The following NLGN4Y variants were observed in gnomAD, a reference collection of about 807,000 sequenced individuals.
NLGN4Y encodes the protein neuroligin-4, Y-linked.
A neutral mutation model predicts 8.4 loss-of-function variants in NLGN4Y; 4 were observed. The ratio of observed to expected loss-of-function variants is 0.48; its 90% CI spans 0.23 to 1.09. The LOEUF (loss-of-function observed/expected upper bound fraction) is 1.09. NLGN4Y is among the 50% of genes least tolerant of loss of function. The pLI, the probability that NLGN4Y is intolerant of heterozygous loss-of-function variation, is 0.19. For synonymous variants in NLGN4Y, 35 were observed against 75.6 expected (o/e 0.46, Z 2.78); for missense variants, 90 against 192.3 (o/e 0.47, Z 3.15).
At chrY:14,632,629 G>A (rs767663220) in intron 2 of NLGN4Y, among the ~76,000 whole-genome samples, 522 of 33,551 alleles carry the variant, frequency 0.016, no homozygotes, top group Non-Finnish European at 0.027. Flanking sequence ...AATCAACATC[G>A]ACATGCAACT....
At chrY:14,591,113 C>G in intron 1 of NLGN4Y, among the ~76,000 whole-genome samples, 1 of 32,374 alleles carries the variant, frequency 3.1e-5, no homozygotes, top group Non-Finnish European at 7.5e-5. Flanking sequence ...CTGATAAGGT[C>G]TGATTTCCTG....
chrY:14,594,768 T>A, intron 1 of NLGN4Y, among the ~76,000 whole-genome samples: 1 of 32,882 alleles, frequency 3.0e-5, no homozygotes, highest in South Asian at 7.0e-4. Context: ...TTTCCCTGGG[T>A]TATGGTAGAT....
At chrY:14,755,830 C>T in intron 4 of NLGN4Y, among the ~76,000 whole-genome samples, 1 of 33,582 alleles carries the variant, frequency 3.0e-5, no homozygotes, top group South Asian at 6.6e-4. Context: ...AGAGCCAAGC[C>T]TGGAACAAGA....
chrY:14,639,183 T>C, intron 2 of NLGN4Y: 1 of 132,253 alleles, frequency 7.6e-6, no homozygotes, highest in Non-Finnish European at 1.5e-5. Context: ...TAATTAGCTG[T>C]ATAGAAAACA....
chrY:14,564,825 G>A, intron 1 of NLGN4Y, among the ~76,000 whole-genome samples: 3 of 33,643 alleles, frequency 8.9e-5, no homozygotes, highest in Non-Finnish European at 2.2e-4. Flanking sequence ...CTGGGTCAAA[G>A]CTTCCAGAGG....
At chrY:14,690,752 G>A in intron 2 of NLGN4Y, among the ~76,000 whole-genome samples, 2 of 32,178 alleles carry the variant, frequency 6.2e-5, no homozygotes, top group African/African-American at 2.4e-4. Flanking sequence ...GCTACCACAG[G>A]GGCATAGATT....
chrY:14,557,125 C>A (rs2080212768), intron 1 of NLGN4Y, among the ~76,000 whole-genome samples: 1 of 33,093 alleles, frequency 3.0e-5, no homozygotes, highest in Non-Finnish European at 7.4e-5. Flanking sequence ...AGAGAGAGAC[C>A]AGGAGCCTGG....
At chrY:14,540,747 G>A in intron 1 of NLGN4Y, among the ~76,000 whole-genome samples, 1 of 33,591 alleles carries the variant, frequency 3.0e-5, no homozygotes, top group Middle Eastern at 0.014. Context: ...GTTAGAATGA[G>A]AACTAACAAA....
At chrY:14,581,533 T>G in intron 1 of NLGN4Y, among the ~76,000 whole-genome samples, 1 of 33,692 alleles carries the variant, frequency 3.0e-5, no homozygotes, top group Non-Finnish European at 7.4e-5. Flanking sequence ...CCAGCTTAAT[T>G]GTTCCAATTC....
intron 2 of NLGN4Y, among the ~76,000 whole-genome samples, chrY:14,649,602 A>G: frequency 1.8e-4 from 6 of 33,226 alleles, no homozygotes; most frequent in Admixed American, 5.6e-4. Flanking sequence ...TGTGTCTTCC[A>G]CTTGGGTCTT....
chrY:14,679,315 A>T (rs2080760577), intron 2 of NLGN4Y, among the ~76,000 whole-genome samples: 1 of 31,870 alleles, frequency 3.1e-5, no homozygotes, highest in Non-Finnish European at 7.6e-5. Context: ...GGCCTCTGAA[A>T]TTTTTTTTCC....
intron 4 of NLGN4Y, among the ~76,000 whole-genome samples, chrY:14,751,241 G>A: frequency 3.0e-5 from 1 of 33,421 alleles, no homozygotes; most frequent in Non-Finnish European, 7.4e-5. Context: ...TGTTATGAAC[G>A]TTGTTTTTCA....
At chrY:14,757,900 G>C (rs2081067346) in intron 4 of NLGN4Y, among the ~76,000 whole-genome samples, 2 of 34,592 alleles carry the variant, frequency 5.8e-5, no homozygotes, top group South Asian at 6.2e-4. Flanking sequence ...TTTCTTCTTT[G>C]CATGATACTC....
intron 1 of NLGN4Y, among the ~76,000 whole-genome samples, chrY:14,567,644 C>T (rs2080257369): frequency 3.2e-5 from 1 of 30,912 alleles, no homozygotes; most frequent in African/African-American, 1.3e-4. Flanking sequence ...CCTCCCACCT[C>T]AGCCTCCTGA....
At chrY:14,697,240 G>GATAT (rs2080830995) in intron 2 of NLGN4Y, among the ~76,000 whole-genome samples, 1 of 31,648 alleles carries the variant, frequency 3.2e-5, no homozygotes, top group Non-Finnish European at 7.6e-5. Flanking sequence ...TAGATAGATA[G>GATAT]ATAGATAGAT....
At chrY:14,722,953 T>A (rs34188974) in intron 3 of NLGN4Y, among the ~76,000 whole-genome samples, 164 bp from the exon 4 acceptor site, 5 of 23,145 alleles carry the variant, frequency 2.2e-4, no homozygotes, top group African/African-American at 9.2e-4. Context: ...ATTAGTCAAG[T>A]TACTTAGAAA....
chrY:14,626,659 T>G (rs772074060), intron 2 of NLGN4Y, among the ~76,000 whole-genome samples: 18 of 33,722 alleles, frequency 5.3e-4, no homozygotes, highest in African/African-American at 1.9e-3. Context: ...GGCAGCCTGC[T>G]TCCATTCCCT....
chrY:14,675,560 T>C (rs962913168), intron 2 of NLGN4Y, among the ~76,000 whole-genome samples: 2 of 32,893 alleles, frequency 6.1e-5, no homozygotes, highest in Non-Finnish European at 7.4e-5. Flanking sequence ...TTTAGAAATA[T>C]CTGAGATCTT....
intron 1 of NLGN4Y, among the ~76,000 whole-genome samples, chrY:14,597,459 C>G (rs1040946609): frequency 3.1e-5 from 1 of 32,697 alleles, no homozygotes; most frequent in South Asian, 7.1e-4. Context: ...CTGCTTGGCG[C>G]GTTTACAATC....
Sources: allele counts gnomAD v4.1 joint callset (sites outside exome capture counted in the v4.1 genomes callset), GRCh38; gene constraint gnomAD v4.1.1; transcripts MANE v1.5; gene names NCBI Gene and HGNC (gene_info 2026-07-23, HGNC 2026-07-21).